Variants in CHEK2 observed in about 807,000 individuals in gnomAD.
The protein encoded by CHEK2 is serine/threonine-protein kinase Chk2.
CHEK2 carries 71 observed loss-of-function variants against 69.1 expected under a neutral mutation model. The ratio of observed to expected loss-of-function variants is 1.03; its 90% CI spans 0.85 to 1.25. The LOEUF (loss-of-function observed/expected upper bound fraction) is 1.25. CHEK2 is among the 50% of genes most tolerant of loss of function. CHEK2 has a pLI of 0.00. For missense variants in CHEK2, 664 were observed against 649.6 expected (o/e 1.02, Z -0.24); for synonymous variants, 189 against 226.9 (o/e 0.83, Z 1.50).
chr22:28,718,183 A>C (rs1886388322), intron 5 of CHEK2, among the ~76,000 whole-genome samples: 1 of 152,214 alleles, frequency 6.6e-6, no homozygotes, highest in African/African-American at 2.4e-5. Flanking sequence ...AAAAATGCTC[A>C]GTATCTCTAG....
At chr22:28,722,552 AAAAAAAAG>A (rs1238253763) in intron 4 of CHEK2, among the ~76,000 whole-genome samples, 7 of 151,226 alleles carry the variant, frequency 4.6e-5, no homozygotes, top group Non-Finnish European at 8.8e-5. Context: ...AAAAAAAAAA[AAAAAAAAG>A]AAAAGAAAAG....
intron 7 of CHEK2, among the ~76,000 whole-genome samples, chr22:28,707,097 C>A (rs557712352): frequency 3.6e-4 from 54 of 151,716 alleles, no homozygotes; most frequent in Non-Finnish European, 6.9e-4. Context: ...GTCCGATAGT[C>A]AGAACCAGTG....
At chr22:28,717,658 T>C (rs1165933511) in intron 5 of CHEK2, among the ~76,000 whole-genome samples, 2 of 152,048 alleles carry the variant, frequency 1.3e-5, no homozygotes, top group Non-Finnish European at 2.9e-5. Flanking sequence ...GCAGATCACC[T>C]GAGGTCAGGA....
chr22:28,736,772 C>G (rs974213017), intron 1 of CHEK2, among the ~76,000 whole-genome samples: 1 of 143,198 alleles, frequency 7.0e-6, no homozygotes, highest in African/African-American at 2.7e-5. Context: ...GGACCCCCCC[C>G]GCCCCCCGTA....
intron 1 of CHEK2, 99 bp from the exon 2 acceptor site, chr22:28,734,826 A>C: frequency 1.9e-6 from 1 of 528,368 alleles, no homozygotes. Flanking sequence ...AAAAGAAAAG[A>C]AAAAAAAAAA....
At chr22:28,726,580 ATAT>A (rs1459870639) in intron 2 of CHEK2, among the ~76,000 whole-genome samples, 2 of 146,296 alleles carry the variant, frequency 1.4e-5, no homozygotes, top group Non-Finnish European at 3.0e-5. Flanking sequence ...TATATAATAT[ATAT>A]TATAATCTAT....
chr22:28,709,192 CAT>C (rs953433545), intron 7 of CHEK2, among the ~76,000 whole-genome samples: 8 of 152,052 alleles, frequency 5.3e-5, no homozygotes, highest in Non-Finnish European at 8.8e-5. Flanking sequence ...TTCATTGAGA[CAT>C]AGTCATCATT....
Position 28,734,457 on chromosome 22 carries a change from T to G in CHEK2, c.265A>C (p.Thr89Pro), listed in dbSNP as rs2146145459. ...CATAATCGAGCCCAGGGGGCAGGGG[T>G]AGGCTCCTCAGGTTCTTGGTCCTCA... ...EPEDQEPEEP[T>P]PAPWARLWAL... The change falls in exon 2 of 15, where the codon ACC becomes CCC. Residue 89 changes from threonine (T) to proline (P), a missense_variant. Thr to Pro is a conservative substitution (Grantham distance 38). Transcript: ENST00000404276. The G allele has an allele frequency of 6.2e-7, 1 of 1,613,852 alleles. No individual in the cohort carries two copies. Among genetic ancestry groups the G allele is most frequent in the East Asian group, 2.2e-5 (1 of 44,840 alleles).
rs554284738 is a variant in CHEK2 at position 28,709,907 on chromosome 22, C to T, written c.846+99G>A. 112 of 723,600 alleles carry T rather than the reference C, an allele frequency of 1.5e-4. No individual in the cohort carries two copies. In the African/African-American group the frequency reaches 1.9e-3, roughly 12 times the overall value. The allele number at this position is 723,600 out of a possible 1,614,324, so 44.8% of individuals were successfully genotyped here. On this transcript the variant is annotated intron_variant, in intron 7 of 14. Coordinates refer to ENST00000404276, the MANE Select transcript of CHEK2 (RefSeq NM_007194.4). ...CTAGGGTTACAGGCATCAGCCACCA[C>T]ACCTGGCCAATATTATCTTTATTAT...
intron 5 of CHEK2, among the ~76,000 whole-genome samples, chr22:28,713,381 A>G (rs947723942): frequency 2.0e-5 from 3 of 147,206 alleles, no homozygotes; most frequent in South Asian, 2.1e-4. Context: ...TTTTTTTGAG[A>G]TGGAGTCTCG....
chr22:28,698,412 A>G (rs895765187), intron 9 of CHEK2, among the ~76,000 whole-genome samples: 1 of 151,972 alleles, frequency 6.6e-6, no homozygotes, highest in Non-Finnish European at 1.5e-5. Context: ...ATAAACAAAT[A>G]AAAATAAATT....
intron 8 of CHEK2, among the ~76,000 whole-genome samples, chr22:28,701,274 C>T (rs1379931002): frequency 2.0e-5 from 3 of 151,374 alleles, no homozygotes; most frequent in African/African-American, 7.3e-5. Context: ...TTGCTCTGTC[C>T]ATCACGGCTC....
chr22:28,731,372 G>A (rs569858927), intron 2 of CHEK2, among the ~76,000 whole-genome samples: 2 of 152,186 alleles, frequency 1.3e-5, no homozygotes, highest in Admixed American at 6.6e-5. Flanking sequence ...GCCAAGGCGG[G>A]CAGATCACCT....
chr22:28,691,784 G>A (rs1200202275), intron 13 of CHEK2, among the ~76,000 whole-genome samples: 3 of 152,226 alleles, frequency 2.0e-5, no homozygotes, highest in Non-Finnish European at 4.4e-5. Context: ...ATATGAGGCA[G>A]AGAGTAGATG....
At chr22:28,737,553 T>A (rs776013071) in intron 1 of CHEK2, among the ~76,000 whole-genome samples, 24 of 149,322 alleles carry the variant, frequency 1.6e-4, no homozygotes, top group Non-Finnish European at 3.3e-4. Context: ...CATTGCAACC[T>A]CCACCTCCTG....
intron 5 of CHEK2, among the ~76,000 whole-genome samples, chr22:28,714,267 T>TCTA (rs1204600091): frequency 6.6e-6 from 1 of 152,192 alleles, no homozygotes; most frequent in East Asian, 1.9e-4. Flanking sequence ...AGTAGGTAGG[T>TCTA]GTGAAGTGGT....
rs1047566145 is a variant in CHEK2, at chr22:28,734,807, T to G, written c.-6-80A>C. ...ATTAAAAAGTAAATGATGGGCCTAT[T>G]ACAACAGCAAAAGAAAAGAAAAAAA... is the stretch of plus-strand genomic sequence containing the variant. On this transcript the variant is annotated intron_variant, in intron 1 of 14. Coordinates refer to ENST00000404276, the MANE Select transcript of CHEK2 (RefSeq NM_007194.4). 9.2e-6 allele frequency: 10 copies of G among 1,084,446 alleles called. No homozygotes were observed. In the African/African-American group the frequency reaches 1.7e-4, roughly 19 times the overall value. The allele number at this position is 1,084,446 out of a possible 1,614,324, so 67.2% of individuals were successfully genotyped here.
chr22:28,712,043 T>C (rs1569141117), intron 5 of CHEK2, 26 bp from the exon 6 acceptor site: 8 of 1,538,460 alleles, frequency 5.2e-6, no homozygotes, highest in Non-Finnish European at 6.3e-6. Flanking sequence ...AAGATAGTGA[T>C]TGTCTGAATG....
At chr22:28,705,683 T>G (rs1397525739) in intron 7 of CHEK2, among the ~76,000 whole-genome samples, 1 of 152,016 alleles carries the variant, frequency 6.6e-6, no homozygotes, top group Non-Finnish European at 1.5e-5. Flanking sequence ...CCCAGCACTT[T>G]AGGAGGCCAA....
Sources: allele counts gnomAD v4.1 joint callset (sites outside exome capture counted in the v4.1 genomes callset), GRCh38; gene constraint gnomAD v4.1.1; transcripts MANE v1.5; gene names NCBI Gene and HGNC (gene_info 2026-07-23, HGNC 2026-07-21).